The following NUP214 variants were observed in gnomAD, a reference collection of about 807,000 sequenced individuals.
NUP214 encodes nuclear pore complex protein Nup214.
NUP214 carries 79 observed loss-of-function variants against 196.2 expected under a neutral mutation model. The ratio of observed to expected loss-of-function variants is 0.40; its 90% CI spans 0.34 to 0.49. The LOEUF is 0.49. NUP214 is among the 20% of genes least tolerant of loss of function. The probability of loss-of-function intolerance (pLI) is 0.58; values close to 1 mark genes in which losing one functional copy is unlikely to be tolerated. For synonymous variants in NUP214, 1,020 were observed against 990.5 expected (o/e 1.03, Z -0.56); for missense variants, 2,468 against 2,539.0 (o/e 0.97, Z 0.60).
intron 9 of NUP214, among the ~76,000 whole-genome samples, chr9:131,138,833 C>G (rs994604711): frequency 6.6e-6 from 1 of 152,210 alleles, no homozygotes; most frequent in African/African-American, 2.4e-5. Flanking sequence ...ACCAGCCTTA[C>G]ATGCTTCTCT....
chr9:131,204,658 A>C (rs889066440), intron 30 of NUP214, among the ~76,000 whole-genome samples: 1 of 152,218 alleles, frequency 6.6e-6, no homozygotes, highest in Non-Finnish European at 1.5e-5. Context: ...AGAGAGCGAA[A>C]TGAAAGATAC....
At position 131,166,895 on chromosome 9, in the gene NUP214, T is replaced by C. The variant is rs186548734; in HGVS notation, c.2893+2751T>C. Among the ~76,000 whole-genome samples the C allele has an allele frequency of 5.3e-5, 8 of 152,324 alleles. No homozygotes were observed. In the East Asian group the frequency reaches 1.5e-3, roughly 29 times the overall value. On this transcript the variant is annotated intron_variant, in intron 21 of 35. Coordinates refer to ENST00000359428, the MANE Select transcript of NUP214 (RefSeq NM_005085.4). ...TACTACTGTTTGCCACAATTGTTGC[T>C]GAACTATCTGAGAATAAGCTGAAGA... is the stretch of plus-strand genomic sequence containing the variant.
At chr9:131,194,016 GATAAAAT>G (rs1016679698) in intron 27 of NUP214, 1 of 150,906 alleles carries the variant, frequency 6.6e-6, no homozygotes, top group African/African-American at 2.4e-5. Context: ...GACACTATTA[GATAAAAT>G]TTTTTCACTA....
chr9:131,157,310 G>A (rs118148697), intron 17 of NUP214, among the ~76,000 whole-genome samples: 1,742 of 152,050 alleles, frequency 0.011, 18 homozygotes, highest in Non-Finnish European at 0.016. Context: ...ACAGGCACAC[G>A]CCACCATGTC....
chr9:131,184,946 A>T (rs1305647736), intron 24 of NUP214, among the ~76,000 whole-genome samples: 1 of 152,130 alleles, frequency 6.6e-6, no homozygotes, highest in African/African-American at 2.4e-5. Flanking sequence ...GTTACTCTTG[A>T]TAAGTTCCAC....
At chr9:131,190,543 C>A in intron 26 of NUP214, 1 of 642,424 alleles carries the variant, frequency 1.6e-6, no homozygotes, top group East Asian at 2.8e-5. Context: ...AAAGGTGCTG[C>A]TTAAGAGTTT....
chr9:131,219,186 C>T (rs1464422578), intron 31 of NUP214, among the ~76,000 whole-genome samples: 1 of 152,134 alleles, frequency 6.6e-6, no homozygotes, highest in Non-Finnish European at 1.5e-5. Context: ...ATGTGGCTGT[C>T]CCCATTTCAC....
In NUP214 at chr9:131,130,818, T is replaced by C; in HGVS notation, c.645T>C (p.Thr215=). The C allele has an allele frequency of 6.2e-7, 1 of 1,614,172 alleles. No individual in the cohort carries two copies. The highest frequency in any genetic ancestry group is 1.7e-4 in the Middle Eastern group (1 of 6,050). The change falls in exon 5 of 36, where the codon ACT becomes ACC. Residue 215 remains threonine (T), a synonymous_variant. Transcript: ENST00000359428. ...TGGCAGTGGGAAAACAGAATGGAAC[T>C]GTGGTCCAGTATCTTCCTGTAAGTT... ...KQLAVGKQNG[T]VVQYLPTLQE...
chr9:131,130,293 G>A (rs762999246), intron 4 of NUP214, among the ~76,000 whole-genome samples: 5 of 151,638 alleles, frequency 3.3e-5, no homozygotes, highest in Non-Finnish European at 7.4e-5. Flanking sequence ...ACAGGTGCCT[G>A]CCACCATGCC....
chr9:131,215,305 G>A lies in NUP214; in HGVS notation c.5686G>A (p.Asp1896Asn). 1.2e-6 allele frequency: 2 copies of A among 1,610,360 alleles called. No homozygotes were observed. Among genetic ancestry groups the A allele is most frequent in the Admixed American group, 1.7e-5 (1 of 59,692 alleles). The change falls in exon 31 of 36, where the codon GAT becomes AAT. Residue 1896 changes from aspartate (D) to asparagine (N), a missense_variant. Asp to Asn is a conservative substitution (Grantham distance 23). Around this residue, in one of 5 missense-constraint regions of NUP214, gnomAD observed 262 missense variants for 296.5 expected, o/e 0.88. Coordinates refer to ENST00000359428, the MANE Select transcript of NUP214 (RefSeq NM_005085.4). ...FSGLGGKPSQ[D>N]AANKNPFSSA... ...TGGCCTTGGAGGAAAACCCAGTCAG[G>A]ATGCAGCCAACAAAAACCCATTCAG...
chr9:131,208,645 C>T lies in NUP214; in HGVS notation c.5593-6567C>T, dbSNP rs566009591. The stretch of plus-strand genomic sequence containing the variant: ...CCAGGAGGCAGAGCTTGCAGTGAGC[C>T]GAGATCGCGCCACTGCACTCCAGCC... On this transcript the variant is annotated intron_variant, in intron 30 of 35. Coordinates refer to ENST00000359428, the MANE Select transcript of NUP214 (RefSeq NM_005085.4). Among the ~76,000 whole-genome samples, 8 of 151,814 alleles carry T rather than the reference C, an allele frequency of 5.3e-5. No individual in the cohort carries two copies. In the East Asian group the frequency reaches 1.2e-3, roughly 22 times the overall value.
chr9:131,172,626 G>A lies in NUP214; in HGVS notation c.2894-1429G>A, dbSNP rs555923077. On this transcript the variant is annotated intron_variant, in intron 21 of 35. Coordinates refer to ENST00000359428, the MANE Select transcript of NUP214 (RefSeq NM_005085.4). ...CTACTAGCCACATGTGGCTGTAGAGGACATGAAATGTGGATAGTGCAATCG... is the reference window on the plus strand; with the variant it reads ...CTACTAGCCACATGTGGCTGTAGAGAACATGAAATGTGGATAGTGCAATCG... Among the ~76,000 whole-genome samples the A allele has an allele frequency of 2.6e-5, 4 of 152,356 alleles. No homozygotes were observed. In the South Asian group the frequency reaches 8.3e-4, roughly 32 times the overall value.
chr9:131,133,273 C>A, intron 7 of NUP214, 64 bp downstream of exon 7: 1 of 891,490 alleles, frequency 1.1e-6, no homozygotes. Context: ...AAGCTGGAGG[C>A]TTTGATTTCA....
At chr9:131,208,992 G>A (rs984015159) in intron 30 of NUP214, among the ~76,000 whole-genome samples, 7 of 152,126 alleles carry the variant, frequency 4.6e-5, no homozygotes, top group South Asian at 2.1e-4. Context: ...CAGCCTGGGC[G>A]ACAGAGTGAG....
At position 131,198,693 on chromosome 9, in the gene NUP214, G is replaced by A; in HGVS notation, c.5199G>A (p.Gly1733=). ...CCTTCGGGCAGGCCTCAGTCTTTGG[G>A]CAGTCGGCGAGCAGTGCTGCAAGTG... ...QTTFGQASVF[G]QSASSAASVF... is the part of the protein sequence containing the mutation. Residue 1733 remains glycine, a synonymous_variant, in exon 29 of 36, where the codon GGG becomes GGA. Coordinates refer to ENST00000359428, the MANE Select transcript of NUP214 (RefSeq NM_005085.4). 3 of 1,614,210 alleles carry A rather than the reference G, an allele frequency of 1.9e-6. No homozygotes were observed. Among genetic ancestry groups the A allele is most frequent in the Non-Finnish European group, 2.5e-6 (3 of 1,180,032 alleles).
chr9:131,212,987 A>G (rs927514479), intron 30 of NUP214, among the ~76,000 whole-genome samples: 2 of 150,644 alleles, frequency 1.3e-5, no homozygotes, highest in South Asian at 2.1e-4. Context: ...TAGATTTTCC[A>G]TAATTTTGTA....
At position 131,233,677 on chromosome 9, in the gene NUP214, C is replaced by G. The variant is rs1041634317; in HGVS notation, c.*190C>G. On this transcript the variant is annotated 3_prime_UTR_variant, in exon 36 of 36. Coordinates refer to ENST00000359428, the MANE Select transcript of NUP214 (RefSeq NM_005085.4). Reference sequence around the variant, plus strand: ...TATATTTCATGTTGGGTTTTCCCTCCCACTATTAAACAGTCTGTTTCCGTA... The same window carrying G: ...TATATTTCATGTTGGGTTTTCCCTCGCACTATTAAACAGTCTGTTTCCGTA... 4.4e-6 allele frequency: 3 copies of G among 683,952 alleles called. No individual in the cohort carries two copies. The highest frequency in any genetic ancestry group is 2.8e-5 in the East Asian group (1 of 35,202). 42.4% of individuals were successfully genotyped at this position (683,952 alleles called of 1,614,324 possible).
intron 31 of NUP214, among the ~76,000 whole-genome samples, chr9:131,217,987 C>T (rs140442312): frequency 1.3e-5 from 2 of 152,280 alleles, no homozygotes; most frequent in African/African-American, 4.8e-5. Flanking sequence ...AATCAGAAAA[C>T]CCTACAAACC....
intron 1 of NUP214, chr9:131,126,439 CTG>C (rs1273630236): frequency 3.9e-5 from 6 of 152,178 alleles, no homozygotes; most frequent in African/African-American, 1.4e-4. Flanking sequence ...CGGGCTACAT[CTG>C]TTTTAAATAG....
Sources: allele counts gnomAD v4.1 joint callset (sites outside exome capture counted in the v4.1 genomes callset), GRCh38; gene constraint gnomAD v4.1.1; regional missense constraint gnomAD v4.1.1; transcripts MANE v1.5; gene names NCBI Gene and HGNC (gene_info 2026-07-23, HGNC 2026-07-21).